The following SLC8A1 variants were observed in gnomAD, a reference collection of about 807,000 sequenced individuals.
The protein encoded by SLC8A1 is sodium/calcium exchanger 1.
A neutral mutation model predicts 68.3 loss-of-function variants in SLC8A1; 18 were observed. The ratio of observed to expected loss-of-function variants is 0.26; its 90% CI spans 0.18 to 0.39. SLC8A1 has a LOEUF of 0.39. Ranked by LOEUF, SLC8A1 falls within the 10% of genes least tolerant of loss-of-function variation. The pLI, the probability that SLC8A1 is intolerant of heterozygous loss-of-function variation, is 1.00. For missense variants in SLC8A1, 985 were observed against 1,156.7 expected (o/e 0.85, Z 2.15); for synonymous variants, 475 against 415.5 (o/e 1.14, Z -1.74).
intron 2 of SLC8A1, among the ~76,000 whole-genome samples, chr2:40,303,169 C>G (rs1181809236): frequency 6.6e-6 from 1 of 152,188 alleles, no homozygotes; most frequent in Non-Finnish European, 1.5e-5. Flanking sequence ...TGACCATACG[C>G]TGCTATGTTC....
At chr2:40,332,627 A>T (rs2076536687) in intron 2 of SLC8A1, among the ~76,000 whole-genome samples, 1 of 152,196 alleles carries the variant, frequency 6.6e-6, no homozygotes, top group Admixed American at 6.5e-5. Flanking sequence ...AGCTGCAGAA[A>T]ATAAATGACA....
intron 5 of SLC8A1, 49 bp downstream of exon 8, chr2:40,164,805 C>T: frequency 6.2e-7 from 1 of 1,606,800 alleles, no homozygotes; most frequent in South Asian, 1.1e-5. Flanking sequence ...TGAACAGTTT[C>T]TGTCCCAAGG....
At chr2:40,381,292 C>T (rs1003295052) in intron 2 of SLC8A1, among the ~76,000 whole-genome samples, 1 of 152,024 alleles carries the variant, frequency 6.6e-6, no homozygotes, top group Non-Finnish European at 1.5e-5. Context: ...CCCACCCACC[C>T]ACATGCTTGG....
chr2:40,220,652 T>C (rs2058190738), intron 2 of SLC8A1, among the ~76,000 whole-genome samples: 1 of 152,214 alleles, frequency 6.6e-6, no homozygotes, highest in East Asian at 1.9e-4. Context: ...TGTGCAGTTT[T>C]ATGTCTATTT....
At chr2:40,153,275 G>C (rs1426768981) in intron 6 of SLC8A1, among the ~76,000 whole-genome samples, 1 of 152,148 alleles carries the variant, frequency 6.6e-6, no homozygotes, top group African/African-American at 2.4e-5. Context: ...ATGTCCTAAA[G>C]ACAACTCACA....
chr2:40,232,505 T>C (rs666362), intron 2 of SLC8A1, among the ~76,000 whole-genome samples: 24,170 of 151,358 alleles, frequency 0.16, 2,570 homozygotes, highest in African/African-American at 0.29. Context: ...TAGGGGAGGA[T>C]AGGGAAGGGA....
rs369677677 is a variant in SLC8A1, at chr2:40,205,395, C to T, written c.1809-27540G>A. ...AGGAACTTAAGGTATGATGTGACAG[C>T]TTGAGTTTGAAAGTCTTCTCTCGTT... On this transcript the variant is annotated intron_variant, in intron 2 of 7. Coordinates refer to ENST00000406785, the Ensembl canonical transcript of SLC8A1. Among the ~76,000 whole-genome samples the T allele has an allele frequency of 5.3e-5, 8 of 152,126 alleles. No homozygotes were observed. The East Asian group carries it at 1.4e-3, about 26-fold the overall frequency.
intron 2 of SLC8A1, among the ~76,000 whole-genome samples, chr2:40,415,787 G>A (rs1228016663): frequency 6.6e-6 from 1 of 151,550 alleles, no homozygotes; most frequent in Admixed American, 6.6e-5. Flanking sequence ...GACCAGGGGT[G>A]GGTCACACCT....
At chr2:40,163,619 G>A (rs936317589) in intron 5 of SLC8A1, among the ~76,000 whole-genome samples, 2 of 152,282 alleles carry the variant, frequency 1.3e-5, no homozygotes, top group African/African-American at 4.8e-5. Flanking sequence ...GCCAAGTTCT[G>A]TGTCATACAA....
chr2:40,153,677 T>C (rs2043881383), intron 6 of SLC8A1, among the ~76,000 whole-genome samples: 1 of 152,196 alleles, frequency 6.6e-6, no homozygotes, highest in African/African-American at 2.4e-5. Context: ...AGCAGGAGCT[T>C]GGAGAAAAGG....
intron 2 of SLC8A1, among the ~76,000 whole-genome samples, chr2:40,291,312 C>T (rs904698544): frequency 6.6e-6 from 1 of 152,228 alleles, no homozygotes; most frequent in African/African-American, 2.4e-5. Context: ...TTATGGAAGT[C>T]ACTGGTATGA....
Position 40,267,294 on chromosome 2 carries a change from A to C in SLC8A1, c.1809-89439T>G, listed in dbSNP as rs1173690399. On this transcript the variant is annotated intron_variant, in intron 2 of 7. Transcript: ENST00000406785. ...ATAACCCTTATCATTTATAAGTAAC[A>C]CAGGGACCTGTGCTGGGAAAATATG... Among the ~76,000 whole-genome samples the C allele has an allele frequency of 2.0e-5, 3 of 152,310 alleles. No homozygotes were observed. In the East Asian group the frequency reaches 5.8e-4, roughly 29 times the overall value.
chr2:40,501,057 A>G (rs1024084292), intron 1 of SLC8A1, among the ~76,000 whole-genome samples: 2 of 151,934 alleles, frequency 1.3e-5, no homozygotes, highest in African/African-American at 2.4e-5. Context: ...CCCTAAACAT[A>G]TCAAGTTGTT....
At chr2:40,120,064 T>C (rs940049215) in intron 7 of SLC8A1, among the ~76,000 whole-genome samples, 4 of 152,220 alleles carry the variant, frequency 2.6e-5, no homozygotes, top group Admixed American at 6.5e-5. Context: ...TTCTCAAACT[T>C]TATTGCTACT....
At chr2:40,212,183 A>G (rs2056703085) in intron 2 of SLC8A1, among the ~76,000 whole-genome samples, 1 of 151,914 alleles carries the variant, frequency 6.6e-6, no homozygotes, top group African/African-American at 2.4e-5. Context: ...AGAGACATAA[A>G]TCCCAGTTAA....
In SLC8A1 at chr2:40,187,462, C is replaced by T. The variant is rs185819599; in HGVS notation, c.1809-9607G>A. Among the ~76,000 whole-genome samples the T allele has an allele frequency of 9.2e-5, 14 of 152,256 alleles. No individual in the cohort carries two copies. The East Asian group carries it at 1.9e-3, about 21-fold the overall frequency. On this transcript the variant is annotated intron_variant, in intron 2 of 7. Coordinates refer to ENST00000406785, the Ensembl canonical transcript of SLC8A1. The stretch of plus-strand genomic sequence containing the variant: ...TTGCTTCAAGCAGAGCAAGAGACAG[C>T]GACAGCTAAAATCCTGCTGTTCCCA...
chr2:40,213,509 GATGA>G (rs764143761), intron 2 of SLC8A1: 3 of 152,310 alleles, frequency 2.0e-5, no homozygotes, highest in East Asian at 3.9e-4. Flanking sequence ...GTTGCTCATG[GATGA>G]ATGAATAACC....
chr2:40,444,293 C>G (rs1445729879), intron 1 of SLC8A1, among the ~76,000 whole-genome samples: 1 of 152,172 alleles, frequency 6.6e-6, no homozygotes, highest in Non-Finnish European at 1.5e-5. Context: ...GAGCCATGAT[C>G]ATGCCACTGC....
chr2:40,290,931 T>G (rs1000585478), intron 2 of SLC8A1, among the ~76,000 whole-genome samples: 2 of 152,166 alleles, frequency 1.3e-5, no homozygotes, highest in Non-Finnish European at 2.9e-5. Flanking sequence ...TCTGGCAACT[T>G]TGATGAAAAG....
Sources: gnomAD v4.1 joint callset for allele counts (sites outside exome capture counted in the v4.1 genomes callset) on GRCh38, gnomAD v4.1.1 for gene constraint, MANE v1.5 for transcripts, NCBI Gene and HGNC (gene_info 2026-07-23, HGNC 2026-07-21) for gene names.